Variants in CHRFAM7A observed in about 807,000 individuals in gnomAD.
CHRFAM7A encodes the protein CHRNA7-FAM7A fusion protein.
A neutral mutation model predicts 29.2 loss-of-function variants in CHRFAM7A; 3 were observed. That is an observed-to-expected ratio of 0.10 (90% CI 0.05 to 0.27). The LOEUF (loss-of-function observed/expected upper bound fraction) is 0.27, where lower values mean the gene tolerates loss of function less well. Ranked by LOEUF, CHRFAM7A falls within the 10% of genes least tolerant of loss-of-function variation. The pLI, the probability that CHRFAM7A is intolerant of heterozygous loss-of-function variation, is 1.00. For synonymous variants in CHRFAM7A, 7 were observed against 135.4 expected (o/e 0.05, Z 6.58); for missense variants, 22 against 328.0 (o/e 0.07, Z 7.21).
Position 30,361,363 on chromosome 15 carries a change from CTAAT to C in CHRFAM7A, c.*926_*929del, listed in dbSNP as rs1470178737. The C allele has an allele frequency of 1.5e-3, 153 of 100,428 alleles. 5 individuals are homozygous for C. The highest frequency in any genetic ancestry group is 6.4e-3 in the African/African-American group (139 of 21,868). The allele number at this position is 100,428 out of a possible 1,614,324, so 6.2% of individuals were successfully genotyped here. On this transcript the variant is annotated 3_prime_UTR_variant, in exon 10 of 10. Coordinates refer to ENST00000299847, the MANE Select transcript of CHRFAM7A (RefSeq NM_139320.2). ...TGTATGGATGCACACATTTCTAAGA[CTAAT>C]TAACTCCAGTGCATGTGAATCAGCT...
chr15:30,367,252 C>T lies in CHRFAM7A; in HGVS notation c.720+166G>A, dbSNP rs1452608127. On this transcript the variant is annotated intron_variant, in intron 9 of 9. Coordinates refer to ENST00000299847, the MANE Select transcript of CHRFAM7A (RefSeq NM_139320.2). ...AGTGAGCCAAGATTACACCACTGCA[C>T]TCCAGCCTGGGTGACATAGTGAGAC... Among the ~76,000 whole-genome samples, 2 of 151,246 alleles carry T rather than the reference C, an allele frequency of 1.3e-5. 1 individual carries two copies. Among genetic ancestry groups the T allele is most frequent in the Non-Finnish European group, 3.0e-5 (2 of 67,746 alleles).
intron 5 of CHRFAM7A, among the ~76,000 whole-genome samples, chr15:30,376,098 G>A (rs1320981395): frequency 7.5e-4 from 111 of 147,326 alleles, no homozygotes; most frequent in African/African-American, 2.9e-3. Flanking sequence ...TGTGAGTGGT[G>A]TGAGTGGTGT....
intron 4 of CHRFAM7A, among the ~76,000 whole-genome samples, chr15:30,377,629 C>A (rs1381267904): frequency 7.5e-6 from 1 of 132,876 alleles, no homozygotes; most frequent in Non-Finnish European, 1.6e-5. Context: ...GGCTAGAGTG[C>A]AGTGGCATGA....
In CHRFAM7A at chr15:30,363,145, C is replaced by T. The variant is rs1384628235; in HGVS notation, c.721-334G>A. Among the ~76,000 whole-genome samples the T allele has an allele frequency of 1.7e-4, 26 of 150,450 alleles. No individual in the cohort carries two copies. The East Asian group carries it at 4.9e-3, about 28-fold the overall frequency. The stretch of plus-strand genomic sequence containing the variant: ...AGTCAATTTCCCTCTCTGATCCTTC[C>T]TCATCTGTAACCCGGGGACCTTCAG... On this transcript the variant is annotated intron_variant, in intron 9 of 9. Coordinates refer to ENST00000299847, the MANE Select transcript of CHRFAM7A (RefSeq NM_139320.2).
intron 5 of CHRFAM7A, among the ~76,000 whole-genome samples, chr15:30,374,607 A>G (rs1304957645): frequency 7.1e-6 from 1 of 141,672 alleles, no homozygotes; most frequent in Non-Finnish European, 1.5e-5. Flanking sequence ...AGGAATGGGA[A>G]TTAACTGCAA....
chr15:30,362,143 CAAAG>C lies in CHRFAM7A; in HGVS notation c.*146_*149del, dbSNP rs2058747174. 1 of 28,246 alleles carries C rather than the reference CAAAG, an allele frequency of 3.5e-5. No homozygotes were observed. The highest frequency in any genetic ancestry group is 6.3e-5 in the Non-Finnish European group (1 of 15,952). The allele number at this position is 28,246 out of a possible 1,614,324, so 1.7% of individuals were successfully genotyped here. ...GCTGAGATTCTACTACCTAAAGTAACAAAGAAACCGTAAGCAACACGACTGACAG... is the reference window on the plus strand; with the variant it reads ...GCTGAGATTCTACTACCTAAAGTAACAAACCGTAAGCAACACGACTGACAG... On this transcript the variant is annotated 3_prime_UTR_variant, in exon 10 of 10. Transcript: ENST00000299847.
At chr15:30,375,694 TTGG>T (rs1322609626) in intron 5 of CHRFAM7A, among the ~76,000 whole-genome samples, 792 of 136,674 alleles carry the variant, frequency 5.8e-3, no homozygotes, top group South Asian at 8.8e-3. Context: ...TGTGTGTGTG[TTGG>T]TGGTTTGAGT....
intron 5 of CHRFAM7A, among the ~76,000 whole-genome samples, chr15:30,374,563 A>G (rs1162271753): frequency 3.2e-4 from 47 of 146,206 alleles, no homozygotes; most frequent in African/African-American, 1.0e-3. Context: ...GAGAATTTCT[A>G]GAGACAGAAA....
At chr15:30,367,655 G>GCCCACATTCT (rs2058807377) in intron 8 of CHRFAM7A, 128 bp from the exon 9 acceptor site, 1 of 1,209,166 alleles carries the variant, frequency 8.3e-7, no homozygotes, top group Non-Finnish European at 1.2e-6. Flanking sequence ...CATGTGTCCA[G>GCCCACATTCT]GCCTGCAGCC....
chr15:30,373,717 G>C (rs1402082993), intron 5 of CHRFAM7A, among the ~76,000 whole-genome samples: 3 of 105,274 alleles, frequency 2.8e-5, no homozygotes, highest in African/African-American at 1.1e-4. Flanking sequence ...CGTAATCCCA[G>C]TGACTCTAAG....
chr15:30,376,182 A>T (rs2058934306), intron 5 of CHRFAM7A, among the ~76,000 whole-genome samples: 1 of 82,342 alleles, frequency 1.2e-5, no homozygotes, highest in Non-Finnish European at 2.4e-5. Flanking sequence ...GGTGTGTGGT[A>T]TGTGTGAGTG....
chr15:30,377,770 G>A (rs1400616318), intron 4 of CHRFAM7A, among the ~76,000 whole-genome samples: 1 of 144,780 alleles, frequency 6.9e-6, no homozygotes, highest in East Asian at 2.0e-4. Context: ...AGAGACGGGG[G>A]TTTCACTATG....
intron 4 of CHRFAM7A, among the ~76,000 whole-genome samples, chr15:30,377,765 C>T (rs879570342): frequency 2.1e-5 from 3 of 144,596 alleles, no homozygotes; most frequent in Admixed American, 7.0e-5. Flanking sequence ...TTAGTAGAGA[C>T]GGGGGTTTCA....
chr15:30,362,773 CA>C lies in CHRFAM7A; in HGVS notation c.758del (p.Leu253ArgfsTer3). 8.0e-7 allele frequency: 1 copy of C among 1,255,688 alleles called. No individual in the cohort carries two copies. The highest frequency in any genetic ancestry group is 1.1e-6 in the Non-Finnish European group (1 of 902,084). The allele number at this position is 1,255,688 out of a possible 1,614,324, so 77.8% of individuals were successfully genotyped here. The stretch of plus-strand genomic sequence containing the variant: ...TGTCCTCCCCGGGCCTCTTCATTCG[CA>C]GGAACCACGCGCACCAGTTCAGAAG... The part of the protein sequence containing the change: ...VILLNWCAWF[L>X]RMKRPGEDKV... On this transcript the variant is annotated frameshift_variant, in exon 10 of 10. Transcript: ENST00000299847. LOFTEE classifies it high-confidence loss of function.
At chr15:30,377,626 G>A (rs1297101285) in intron 4 of CHRFAM7A, among the ~76,000 whole-genome samples, 2 of 133,402 alleles carry the variant, frequency 1.5e-5, no homozygotes, top group Non-Finnish European at 3.2e-5. Context: ...CCAGGCTAGA[G>A]TGCAGTGGCA....
intron 5 of CHRFAM7A, among the ~76,000 whole-genome samples, chr15:30,375,094 G>A (rs2058910367): frequency 6.8e-6 from 1 of 148,046 alleles, no homozygotes; most frequent in African/African-American, 2.5e-5. Flanking sequence ...TTGCAGTGCT[G>A]GTCCTGCAGC....
intron 9 of CHRFAM7A, among the ~76,000 whole-genome samples, 183 bp downstream of exon 9, chr15:30,367,235 A>G (rs1401860557): frequency 1.3e-5 from 2 of 151,202 alleles, no homozygotes; most frequent in African/African-American, 4.9e-5. Flanking sequence ...GCAGTGAGCC[A>G]AGATTACACC....
intron 9 of CHRFAM7A, 146 bp from the exon 10 acceptor site, chr15:30,362,957 GCAGTGCTTGCGTATGA>G (rs1181233954): frequency 3.2e-5 from 44 of 1,372,140 alleles, no homozygotes; most frequent in Admixed American, 4.1e-5. Context: ...TAGCAGGCAA[GCAGTGCTTGCGTATGA>G]CAAGCAGTCG....
chr15:30,365,801 C>CTTTTTTT lies in CHRFAM7A; in HGVS notation c.720+1610_720+1616dup, dbSNP rs1165285566. Reference sequence around the variant, plus strand: ...CTTGTGTAATGAGCTACAAGTGAGTCTTTTTTTTTTTTTTTTTTTTTTTTT... The same window carrying CTTTTTTT: ...CTTGTGTAATGAGCTACAAGTGAGTCTTTTTTTTTTTTTTTTTTTTTTTTTTTTTTTT... On this transcript the variant is annotated intron_variant, in intron 9 of 9. Transcript: ENST00000299847. 4.0e-5 allele frequency among the ~76,000 whole-genome samples: 3 copies of CTTTTTTT among 74,248 alleles called. 1 individual carries two copies. The highest frequency in any genetic ancestry group is 4.8e-5 in the Non-Finnish European group (2 of 42,018). The allele number at this position is 74,248 out of a possible 152,430, so 48.7% of individuals were successfully genotyped here. A position where few individuals can be genotyped will look rare whatever the true frequency, so the allele number is the denominator to read the frequency against.
Sources: gnomAD v4.1 joint callset for allele counts (sites outside exome capture counted in the v4.1 genomes callset) on GRCh38, gnomAD v4.1.1 for gene constraint, MANE v1.5 for transcripts, NCBI Gene and HGNC (gene_info 2026-07-23, HGNC 2026-07-21) for gene names.